Variants in FRYL observed in about 807,000 individuals in gnomAD.
FRYL encodes FRY like transcription coactivator.
A neutral mutation model predicts 351.2 loss-of-function variants in FRYL; 150 were observed. That is an observed-to-expected ratio of 0.43 (90% confidence interval 0.37 to 0.49). The LOEUF (loss-of-function observed/expected upper bound fraction) is 0.49. Among genes scored for constraint, FRYL ranks in the 20% least tolerant of loss-of-function variants. The probability of loss-of-function intolerance (pLI) is 0.00; values close to 1 mark genes in which losing one functional copy is unlikely to be tolerated. For synonymous variants in FRYL, 1,153 were observed against 1,257.1 expected (o/e 0.92, Z 1.75); for missense variants, 3,036 against 3,619.3 (o/e 0.84, Z 4.13).
intron 24 of FRYL, 133 bp downstream of exon 24, chr4:48,575,897 A>C (rs1437481854): frequency 4.6e-6 from 3 of 651,408 alleles, no homozygotes; most frequent in Admixed American, 2.8e-5. Context: ...TTCTTGAGGT[A>C]TTTTCCTTTT....
intron 22 of FRYL, among the ~76,000 whole-genome samples, 153 bp from the exon 23 acceptor site, chr4:48,579,394 G>C (rs1740372387): frequency 6.6e-6 from 1 of 152,190 alleles, no homozygotes; most frequent in South Asian, 2.1e-4. Flanking sequence ...GAGAATTCCT[G>C]AAACTGCATG....
At chr4:48,779,285 G>C (rs561975175) in intron 1 of FRYL, among the ~76,000 whole-genome samples, 4 of 152,304 alleles carry the variant, frequency 2.6e-5, no homozygotes, top group African/African-American at 9.6e-5. Flanking sequence ...GCCCGGTGCC[G>C]AGGCTGAGAG....
intron 56 of FRYL, among the ~76,000 whole-genome samples, chr4:48,514,017 G>T (rs1723019378): frequency 1.3e-5 from 2 of 152,106 alleles, no homozygotes; most frequent in African/African-American, 4.8e-5. Context: ...GTATCACTAA[G>T]ATTTATTGTT....
intron 59 of FRYL, among the ~76,000 whole-genome samples, chr4:48,508,813 G>A (rs1328152416): frequency 6.6e-6 from 1 of 152,168 alleles, no homozygotes; most frequent in Non-Finnish European, 1.5e-5. Context: ...ACTCCGACCA[G>A]TATGATGGCA....
intron 2 of FRYL, among the ~76,000 whole-genome samples, chr4:48,685,733 T>C (rs1402992461): frequency 6.6e-6 from 1 of 151,808 alleles, no homozygotes; most frequent in East Asian, 1.9e-4. Flanking sequence ...GATTCCACGT[T>C]ATCAGGCACA....
At chr4:48,536,335 T>C (rs1728877179) in intron 47 of FRYL, among the ~76,000 whole-genome samples, 1 of 152,204 alleles carries the variant, frequency 6.6e-6, no homozygotes, top group Non-Finnish European at 1.5e-5. Flanking sequence ...AGGACATCAC[T>C]GGGGCTCTGA....
At chr4:48,636,172 T>A (rs979574023) in intron 3 of FRYL, among the ~76,000 whole-genome samples, 4 of 152,140 alleles carry the variant, frequency 2.6e-5, no homozygotes, top group Non-Finnish European at 5.9e-5. Flanking sequence ...TTTTAAACAA[T>A]GACCTGTTTG....
intron 1 of FRYL, among the ~76,000 whole-genome samples, chr4:48,718,484 C>A (rs553721908): frequency 6.6e-6 from 1 of 151,632 alleles, no homozygotes; most frequent in East Asian, 1.9e-4. Context: ...AACTTCTACT[C>A]TATACGTTAG....
chr4:48,647,086 G>A (rs1043370715), intron 3 of FRYL, among the ~76,000 whole-genome samples: 11 of 152,140 alleles, frequency 7.2e-5, no homozygotes, highest in African/African-American at 2.7e-4. Context: ...ATAAGGAAAG[G>A]CTCAGGAAAG....
intron 1 of FRYL, among the ~76,000 whole-genome samples, chr4:48,779,130 G>A (rs1277500480): frequency 6.6e-6 from 1 of 152,168 alleles, no homozygotes; most frequent in Non-Finnish European, 1.5e-5. Context: ...AAGACCGGCA[G>A]CAATAAATCA....
At chr4:48,620,919 A>G (rs1210479813) in intron 5 of FRYL, 141 bp from the exon 6 acceptor site, 1 of 754,712 alleles carries the variant, frequency 1.3e-6, no homozygotes, top group African/African-American at 1.8e-5. Context: ...AGCAAGGGTC[A>G]AGGGTTTAGC....
chr4:48,737,257 C>G (rs1228326729), intron 1 of FRYL, among the ~76,000 whole-genome samples: 1 of 62,950 alleles, frequency 1.6e-5, no homozygotes, highest in Non-Finnish European at 3.4e-5. Context: ...GACTCCATCA[C>G]AGAAAAAAAA....
intron 8 of FRYL, among the ~76,000 whole-genome samples, chr4:48,609,349 G>A (rs1402100720): frequency 6.6e-6 from 1 of 152,136 alleles, no homozygotes; most frequent in Non-Finnish European, 1.5e-5. Flanking sequence ...GCTGGGTGCA[G>A]TGGCTCACAC....
At chr4:48,670,382 G>A (rs529854432) in intron 3 of FRYL, among the ~76,000 whole-genome samples, 306 of 151,770 alleles carry the variant, frequency 2.0e-3, no homozygotes, top group Non-Finnish European at 3.0e-3. Flanking sequence ...GCAGTGAGCC[G>A]AGATTGTGCT....
intron 55 of FRYL, among the ~76,000 whole-genome samples, chr4:48,518,746 T>C (rs1283458392): frequency 6.6e-6 from 1 of 152,238 alleles, no homozygotes; most frequent in African/African-American, 2.4e-5. Context: ...GGGCTGGTTC[T>C]TGTCATTTAG....
At chr4:48,776,335 A>G (rs890773736) in intron 1 of FRYL, among the ~76,000 whole-genome samples, 4 of 152,126 alleles carry the variant, frequency 2.6e-5, no homozygotes, top group African/African-American at 9.7e-5. Context: ...ATATTTTACA[A>G]CAAGCATGTG....
intron 1 of FRYL, among the ~76,000 whole-genome samples, chr4:48,731,164 G>A (rs550801662): frequency 3.6e-4 from 55 of 152,128 alleles, no homozygotes; most frequent in African/African-American, 1.2e-3. Context: ...TCAACAAGAA[G>A]AGCTAAGTAT....
intron 3 of FRYL, among the ~76,000 whole-genome samples, chr4:48,652,094 T>A (rs1474070422): frequency 6.6e-6 from 1 of 152,198 alleles, no homozygotes; most frequent in Non-Finnish European, 1.5e-5. Flanking sequence ...ACTACTGGAT[T>A]CAAGGAGTAT....
At chr4:48,706,236 T>C (rs1767327645) in intron 2 of FRYL, among the ~76,000 whole-genome samples, 1 of 152,204 alleles carries the variant, frequency 6.6e-6, no homozygotes, top group African/African-American at 2.4e-5. Flanking sequence ...AGCCAAAATG[T>C]GCAAAGAACT....
Sources: allele counts gnomAD v4.1 joint callset (sites outside exome capture counted in the v4.1 genomes callset), GRCh38; gene constraint gnomAD v4.1.1; transcripts MANE v1.5; gene names NCBI Gene and HGNC (gene_info 2026-07-23, HGNC 2026-07-21).